RALGPS1: variants seen among roughly 807,000 people sequenced by gnomAD.
RALGPS1 encodes the protein ras-specific guanine nucleotide-releasing factor RalGPS1.
In RALGPS1, 19 loss-of-function variants were observed where a neutral mutation model predicts 78.8. That is an observed-to-expected ratio of 0.24 (90% CI 0.17 to 0.35). The LOEUF is 0.35. Among genes scored for constraint, RALGPS1 ranks in the 10% least tolerant of loss-of-function variants. The pLI, the probability that RALGPS1 is intolerant of heterozygous loss-of-function variation, is 1.00. For missense variants in RALGPS1, 454 were observed against 688.3 expected, an observed-to-expected ratio of 0.66 and a Z score of 3.81; for synonymous variants, 228 against 256.3, an observed-to-expected ratio of 0.89 and a Z score of 1.06.
chr9:126,977,834 C>G (rs2040821340), intron 4 of RALGPS1, 89 bp downstream of exon 4: 1 of 861,416 alleles, frequency 1.2e-6, no homozygotes, highest in African/African-American at 1.7e-5. Context: ...CTCAGTTTCT[C>G]TCTTGCAGGC....
At chr9:127,186,842 C>T (rs546804536) in intron 11 of RALGPS1, among the ~76,000 whole-genome samples, 155 of 152,244 alleles carry the variant, frequency 1.0e-3, no homozygotes, top group Non-Finnish European at 1.9e-3. Context: ...CATCCACAGC[C>T]GAAAGAAGAG....
chr9:127,180,187 G>T (rs550272562), intron 11 of RALGPS1, among the ~76,000 whole-genome samples: 1 of 152,198 alleles, frequency 6.6e-6, no homozygotes, highest in Non-Finnish European at 1.5e-5. Context: ...CCCAGAGAGG[G>T]CAAGTAATGT....
intron 8 of RALGPS1, among the ~76,000 whole-genome samples, chr9:127,084,917 T>G (rs758031190): frequency 3.9e-5 from 6 of 152,246 alleles, no homozygotes; most frequent in Admixed American, 1.3e-4. Flanking sequence ...TCATGTGGGT[T>G]TCTCTTACTA....
intron 1 of RALGPS1, among the ~76,000 whole-genome samples, chr9:126,960,189 T>G: frequency 3.9e-5 from 1 of 25,884 alleles, no homozygotes; most frequent in South Asian, 1.7e-3. Flanking sequence ...CCTCCCTCCC[T>G]CCCTTCCTTC....
intron 8 of RALGPS1, among the ~76,000 whole-genome samples, chr9:127,159,305 A>G (rs926722361): frequency 6.6e-6 from 1 of 152,122 alleles, no homozygotes; most frequent in Non-Finnish European, 1.5e-5. Flanking sequence ...GAGGGGATCT[A>G]TAGTTGTGTC....
intron 6 of RALGPS1, among the ~76,000 whole-genome samples, chr9:127,052,611 G>A (rs1233302353): frequency 1.3e-5 from 2 of 152,180 alleles, no homozygotes; most frequent in Non-Finnish European, 1.5e-5. Flanking sequence ...ACCTTACCCC[G>A]TGCCACGTTT....
intron 1 of RALGPS1, among the ~76,000 whole-genome samples, chr9:126,937,093 G>A (rs964924479): frequency 5.3e-5 from 8 of 152,096 alleles, no homozygotes; most frequent in East Asian, 1.9e-4. Flanking sequence ...CAGGTGATCC[G>A]CCCACCTTGG....
intron 8 of RALGPS1, among the ~76,000 whole-genome samples, chr9:127,157,988 C>T (rs537461190): frequency 7.9e-5 from 12 of 152,142 alleles, no homozygotes; most frequent in African/African-American, 2.2e-4. Flanking sequence ...TATCAGGACA[C>T]GCCAATGAGT....
chr9:126,938,345 A>G (rs1239685638), intron 1 of RALGPS1, among the ~76,000 whole-genome samples: 1 of 152,150 alleles, frequency 6.6e-6, no homozygotes, highest in Non-Finnish European at 1.5e-5. Context: ...TGAATACGCT[A>G]CACCTTTTGA....
intron 14 of RALGPS1, among the ~76,000 whole-genome samples, chr9:127,200,512 T>A (rs1337848529): frequency 6.6e-6 from 1 of 152,244 alleles, no homozygotes; most frequent in Non-Finnish European, 1.5e-5. Flanking sequence ...CACCTCTTCA[T>A]CACTGCTCCA....
At chr9:126,943,270 G>A (rs1157729862) in intron 1 of RALGPS1, among the ~76,000 whole-genome samples, 1 of 152,114 alleles carries the variant, frequency 6.6e-6, no homozygotes, top group Non-Finnish European at 1.5e-5. Flanking sequence ...AGCCTCCTGA[G>A]TAGCTGGGAT....
chr9:126,982,768 T>TTTCTTCTTCTTCTTCCTCTTC (rs1369815767), intron 4 of RALGPS1, among the ~76,000 whole-genome samples: 1 of 151,008 alleles, frequency 6.6e-6, no homozygotes, highest in African/African-American at 2.5e-5. Flanking sequence ...TTTTAAAATA[T>TTTCTTCTTCTTCTTCCTCTTC]TTCTTCTTCT....
chr9:127,216,007 G>A (rs1366640157), intron 18 of RALGPS1: 1 of 152,328 alleles, frequency 6.6e-6, no homozygotes, highest in Non-Finnish European at 1.5e-5. Context: ...CTGAAGTCTG[G>A]GGGACCTCAG....
chr9:127,074,801 T>G (rs2050534388), intron 8 of RALGPS1, among the ~76,000 whole-genome samples: 1 of 152,270 alleles, frequency 6.6e-6, no homozygotes, highest in African/African-American at 2.4e-5. Flanking sequence ...GGCCTGGCTA[T>G]AAGCCCTAAG....
At chr9:127,214,903 G>C in intron 18 of RALGPS1, 61 bp downstream of exon 18, 1 of 1,601,558 alleles carries the variant, frequency 6.2e-7, no homozygotes, top group Non-Finnish European at 8.5e-7. Context: ...TGGAACTAAG[G>C]GTCTTTAGAA....
At chr9:126,969,193 A>T (rs1459471006) in intron 3 of RALGPS1, among the ~76,000 whole-genome samples, 1 of 152,204 alleles carries the variant, frequency 6.6e-6, no homozygotes, top group Non-Finnish European at 1.5e-5. Context: ...GAAATACTTT[A>T]TATTCTTTTT....
At chr9:127,216,805 C>T in intron 18 of RALGPS1, 3 of 1,126,798 alleles carry the variant, frequency 2.7e-6, no homozygotes, top group African/African-American at 1.6e-5. Flanking sequence ...ATCCTGGCCT[C>T]CTCCATACTG....
intron 10 of RALGPS1, 114 bp downstream of exon 10, chr9:127,168,886 G>A (rs1411344383): frequency 1.3e-6 from 1 of 794,506 alleles, no homozygotes; most frequent in African/African-American, 1.7e-5. Flanking sequence ...CCACCTGCAG[G>A]GCTTATCAGA....
chr9:126,961,873 C>G (rs915955413), intron 1 of RALGPS1, among the ~76,000 whole-genome samples: 1 of 152,210 alleles, frequency 6.6e-6, no homozygotes, highest in Non-Finnish European at 1.5e-5. Context: ...CACAAGCTAA[C>G]TGGGGACTCA....
Sources: gnomAD v4.1 joint callset for allele counts (sites outside exome capture counted in the v4.1 genomes callset) on GRCh38, gnomAD v4.1.1 for gene constraint, MANE v1.5 for transcripts, NCBI Gene and HGNC (gene_info 2026-07-23, HGNC 2026-07-21) for gene names.